ASTN1: variants seen among roughly 807,000 people sequenced by gnomAD.
ASTN1 encodes astrotactin-1.
ASTN1 carries 41 observed loss-of-function variants against 140.7 expected under a neutral mutation model. The ratio of observed to expected loss-of-function variants is 0.29; its 90% confidence interval spans 0.23 to 0.38. The LOEUF is 0.38. ASTN1 is among the 10% of genes least tolerant of loss of function. The pLI, the probability that ASTN1 is intolerant of heterozygous loss-of-function variation, is 1.00. For synonymous variants in ASTN1, 640 were observed against 652.2 expected (o/e 0.98, Z 0.29); for missense variants, 1,479 against 1,678.8 (o/e 0.88, Z 2.08).
At chr1:177,067,439 G>C in intron 1 of ASTN1, among the ~76,000 whole-genome samples, 1 of 152,062 alleles carries the variant, frequency 6.6e-6, no homozygotes, top group East Asian at 1.9e-4. Context: ...CTATCATTAA[G>C]GTAACCAAAG....
chr1:176,936,278 C>A lies in ASTN1; in HGVS notation c.2470G>T (p.Ala824Ser), dbSNP rs760087035. The change falls in exon 15 of 23, where the codon GCC becomes TCC. Residue 824 changes from alanine (A) to serine (S), a missense_variant. Coordinates refer to ENST00000361833, the MANE Select transcript of ASTN1 (RefSeq NM_004319.3). The stretch of plus-strand genomic sequence containing the variant: ...CAGCAGTGCTCACCCTGAGAGATGG[C>A]CACTTGGTTGAGTTTGATGTGGTAC... ...VMYHIKLNQV[A>S]ISQALSNALH... The A allele has an allele frequency of 2.5e-6, 4 of 1,613,896 alleles. No homozygotes were observed. Among genetic ancestry groups the A allele is most frequent in the African/African-American group, 1.3e-5 (1 of 75,048 alleles).
At chr1:177,058,816 C>T (rs1004893519) in intron 2 of ASTN1, among the ~76,000 whole-genome samples, 2 of 150,248 alleles carry the variant, frequency 1.3e-5, no homozygotes, top group Admixed American at 6.7e-5. Context: ...CCCCCACAAA[C>T]ATACACAAAC....
intron 7 of ASTN1, 89 bp downstream of exon 7, chr1:177,023,315 G>T: frequency 6.8e-7 from 1 of 1,464,902 alleles, no homozygotes; most frequent in Non-Finnish European, 9.2e-7. Context: ...GGGACGGGGA[G>T]TTGGGAGGCA....
chr1:176,955,983 T>C (rs561030505), intron 11 of ASTN1, among the ~76,000 whole-genome samples: 1 of 152,346 alleles, frequency 6.6e-6, no homozygotes, highest in East Asian at 1.9e-4. Flanking sequence ...ATAGCTTTTT[T>C]TAAAAGTGTC....
intron 2 of ASTN1, among the ~76,000 whole-genome samples, chr1:177,049,714 C>T (rs1316798003): frequency 6.6e-6 from 1 of 152,224 alleles, no homozygotes; most frequent in Non-Finnish European, 1.5e-5. Flanking sequence ...AGATGTAATG[C>T]AGTCTGTGTG....
chr1:176,885,301 C>T (rs186766092), intron 18 of ASTN1, among the ~76,000 whole-genome samples: 44 of 152,320 alleles, frequency 2.9e-4, no homozygotes, highest in Admixed American at 1.6e-3. Flanking sequence ...CACTGTCTTG[C>T]CTTGCCAGCT....
chr1:177,062,030 C>A (rs560634699), intron 1 of ASTN1, among the ~76,000 whole-genome samples: 1 of 152,156 alleles, frequency 6.6e-6, no homozygotes, highest in East Asian at 1.9e-4. Flanking sequence ...ACTGACTATG[C>A]CCCTAGCACT....
chr1:177,076,058 T>A (rs1291119628), intron 1 of ASTN1, among the ~76,000 whole-genome samples: 2 of 151,524 alleles, frequency 1.3e-5, no homozygotes, highest in African/African-American at 4.8e-5. Flanking sequence ...GGCGGGTGGA[T>A]CATGAGGTCG....
intron 1 of ASTN1, among the ~76,000 whole-genome samples, chr1:177,103,187 CTCACATGT>C (rs1680382333): frequency 6.6e-6 from 1 of 152,116 alleles, no homozygotes; most frequent in African/African-American, 2.4e-5. Context: ...TTATACAGAC[CTCACATGT>C]TCACAGCTCC....
intron 16 of ASTN1, among the ~76,000 whole-genome samples, chr1:176,910,085 G>A (rs1026927474): frequency 1.2e-4 from 19 of 152,076 alleles, no homozygotes; most frequent in African/African-American, 3.1e-4. Context: ...ATTAAATGGC[G>A]TTGTGAAAAC....
At chr1:177,050,237 T>C (rs1287402159) in intron 2 of ASTN1, among the ~76,000 whole-genome samples, 1 of 152,208 alleles carries the variant, frequency 6.6e-6, no homozygotes, top group African/African-American at 2.4e-5. Flanking sequence ...CATCTGATGA[T>C]TGATATCCCA....
chr1:177,114,420 CATAT>C (rs533026030), intron 1 of ASTN1, among the ~76,000 whole-genome samples: 4 of 150,016 alleles, frequency 2.7e-5, no homozygotes, highest in African/African-American at 9.8e-5. Context: ...GAATGGTGCA[CATAT>C]ATATATATAT....
At chr1:177,088,843 TC>T (rs1679600954) in intron 1 of ASTN1, among the ~76,000 whole-genome samples, 1 of 152,180 alleles carries the variant, frequency 6.6e-6, no homozygotes, top group South Asian at 2.1e-4. Context: ...TTTGCTCTCT[TC>T]TTTCCTCCCT....
chr1:177,123,164 G>C (rs1186316721), intron 1 of ASTN1, among the ~76,000 whole-genome samples: 1 of 152,134 alleles, frequency 6.6e-6, no homozygotes, highest in Non-Finnish European at 1.5e-5. Flanking sequence ...GAGAGTCAGG[G>C]GAACCAGTGC....
At chr1:176,936,203 C>G (rs917472809) in intron 15 of ASTN1, 63 bp downstream of exon 15, 2 of 1,431,780 alleles carry the variant, frequency 1.4e-6, no homozygotes, top group East Asian at 2.3e-5. Flanking sequence ...AAAGGCTTCT[C>G]CCCTTGGAAA....
chr1:177,034,323 C>T (rs539071490), intron 2 of ASTN1, among the ~76,000 whole-genome samples: 4 of 151,804 alleles, frequency 2.6e-5, no homozygotes, highest in South Asian at 2.1e-4. Flanking sequence ...AGCAGAGACA[C>T]GAGGCAACAG....
chr1:177,159,271 C>T (rs997635978), intron 1 of ASTN1, among the ~76,000 whole-genome samples: 4 of 152,024 alleles, frequency 2.6e-5, no homozygotes, highest in Admixed American at 2.6e-4. Context: ...TAAATGAGCA[C>T]ATTCTGATAG....
intron 2 of ASTN1, among the ~76,000 whole-genome samples, chr1:177,045,847 T>C (rs1025695051): frequency 1.3e-5 from 2 of 152,172 alleles, no homozygotes; most frequent in African/African-American, 4.8e-5. Flanking sequence ...AGTCAAAACT[T>C]GTAATCACAT....
At chr1:176,903,874 T>G (rs1669872115) in intron 16 of ASTN1, among the ~76,000 whole-genome samples, 1 of 152,160 alleles carries the variant, frequency 6.6e-6, no homozygotes, top group Admixed American at 6.5e-5. Context: ...ATATCCTTCT[T>G]TGTGTCTTCC....
Sources: allele counts gnomAD v4.1 joint callset (sites outside exome capture counted in the v4.1 genomes callset), GRCh38; gene constraint gnomAD v4.1.1; transcripts MANE v1.5; gene names NCBI Gene and HGNC (gene_info 2026-07-23, HGNC 2026-07-21).